The following GLI2 variants were observed in gnomAD, a reference collection of about 807,000 sequenced individuals.
GLI2 encodes GLI family zinc finger 2.
A neutral mutation model predicts 78.9 loss-of-function variants in GLI2; 22 were observed. The observed-to-expected ratio is 0.28, with a 90% CI of 0.20 to 0.40. The LOEUF is 0.40. Among genes scored for constraint, GLI2 ranks in the 10% least tolerant of loss-of-function variants. The pLI, the probability that GLI2 is intolerant of heterozygous loss-of-function variation, is 1.00. For synonymous variants in GLI2, 974 were observed against 963.7 expected (o/e 1.01, Z -0.20); for missense variants, 2,097 against 2,213.2 (o/e 0.95, Z 1.05).
chr2:120,907,422 T>A (rs1678587081), intron 2 of GLI2, among the ~76,000 whole-genome samples: 1 of 152,172 alleles, frequency 6.6e-6, no homozygotes, highest in African/African-American at 2.4e-5. Flanking sequence ...ACTGGGAGCC[T>A]GGAGACTCTG....
intron 2 of GLI2, among the ~76,000 whole-genome samples, chr2:120,844,260 A>ATG (rs1256709197): frequency 6.6e-6 from 1 of 152,224 alleles, no homozygotes; most frequent in African/African-American, 2.4e-5. Context: ...CATAGATGGT[A>ATG]TGTGCATGAT....
At chr2:120,786,901 C>A (rs1684012896) in intron 1 of GLI2, among the ~76,000 whole-genome samples, 1 of 152,160 alleles carries the variant, frequency 6.6e-6, no homozygotes, top group Non-Finnish European at 1.5e-5. Context: ...GGCATTGAAG[C>A]CTGAGGGGAT....
intron 1 of GLI2, among the ~76,000 whole-genome samples, chr2:120,780,995 G>A (rs926008701): frequency 9.2e-5 from 14 of 152,176 alleles, no homozygotes; most frequent in Admixed American, 1.3e-4. Context: ...CTGAGCATCC[G>A]AGCCCTGAGG....
At position 120,916,759 on chromosome 2, in the gene GLI2, G is replaced by A. The variant is rs575119805; in HGVS notation, c.149-10602G>A. 2.6e-5 allele frequency among the ~76,000 whole-genome samples: 4 copies of A among 152,346 alleles called. No individual in the cohort carries two copies. The South Asian group carries it at 8.3e-4, about 32-fold the overall frequency. ...GATGGAGAACTCTGCCCTGGGTGGT[G>A]AGCAGCTCCGCCGTGGATTCCAGAG... is the stretch of plus-strand genomic sequence containing the variant. On this transcript the variant is annotated intron_variant, in intron 2 of 13. Transcript: ENST00000361492.
At chr2:120,980,184 G>A (rs896941029) in intron 10 of GLI2, among the ~76,000 whole-genome samples, 2 of 152,156 alleles carry the variant, frequency 1.3e-5, no homozygotes, top group South Asian at 2.1e-4. Flanking sequence ...TTGGTGAGTC[G>A]TATGGCAGTT....
intron 2 of GLI2, among the ~76,000 whole-genome samples, chr2:120,838,269 CA>C (rs1686708958): frequency 1.3e-5 from 2 of 152,050 alleles, no homozygotes; most frequent in African/African-American, 4.8e-5. Flanking sequence ...TATACACACA[CA>C]TATATATATG....
At chr2:120,906,718 C>T (rs1288821582) in intron 2 of GLI2, among the ~76,000 whole-genome samples, 1 of 152,094 alleles carries the variant, frequency 6.6e-6, no homozygotes, top group African/African-American at 2.4e-5. Context: ...ACTTTCTCGC[C>T]CTCAAAACAG....
At chr2:120,745,517 C>G (rs1387464279) in intron 1 of GLI2, among the ~76,000 whole-genome samples, 1 of 152,156 alleles carries the variant, frequency 6.6e-6, no homozygotes, top group Non-Finnish European at 1.5e-5. Flanking sequence ...TGAGGGTGAG[C>G]AGAGCCCTCA....
chr2:120,768,192 C>T (rs76176655), intron 1 of GLI2, among the ~76,000 whole-genome samples: 1,786 of 152,356 alleles, frequency 0.012, 27 homozygotes, highest in African/African-American at 0.04. Flanking sequence ...CTTTACCCGG[C>T]GTCGGCTGCC....
intron 2 of GLI2, among the ~76,000 whole-genome samples, chr2:120,844,405 G>T (rs573198705): frequency 1.3e-5 from 2 of 152,254 alleles, no homozygotes; most frequent in South Asian, 2.1e-4. Flanking sequence ...GCCCTACTTG[G>T]GTACAAGCTC....
At chr2:120,904,527 G>C (rs1320702625) in intron 2 of GLI2, among the ~76,000 whole-genome samples, 2 of 152,184 alleles carry the variant, frequency 1.3e-5, no homozygotes, top group Non-Finnish European at 2.9e-5. Context: ...GACAGGGTCT[G>C]TGTGAACATG....
chr2:120,937,976 C>G (rs887900675), intron 3 of GLI2, among the ~76,000 whole-genome samples: 1 of 152,200 alleles, frequency 6.6e-6, no homozygotes, highest in Admixed American at 6.5e-5. Context: ...GGCCGCTCCC[C>G]ACAAACCCCA....
chr2:120,818,537 G>T (rs1685613242), intron 2 of GLI2, among the ~76,000 whole-genome samples: 1 of 152,184 alleles, frequency 6.6e-6, no homozygotes, highest in Non-Finnish European at 1.5e-5. Flanking sequence ...CCGAGTAGGT[G>T]CTGGGCACTA....
At position 120,800,503 on chromosome 2, in the gene GLI2, A is replaced by AT. The variant is rs1684651882; in HGVS notation, c.148+3040dup. 6.9e-6 allele frequency among the ~76,000 whole-genome samples: 1 copy of AT among 145,918 alleles called. No homozygotes were observed. The highest frequency in any genetic ancestry group is 2.5e-5 in the African/African-American group (1 of 39,986). On this transcript the variant is annotated intron_variant, in intron 2 of 13. Transcript: ENST00000361492. The surrounding 1 kb of genome is among the most constrained non-coding windows in gnomAD (Gnocchi z 4.1). Reference sequence around the variant, plus strand: ...TATTATTATTATTATTTTATTTTTTATTTTTATTTATTTATTTTTTTGAGA... The same window carrying AT: ...TATTATTATTATTATTTTATTTTTTATTTTTTATTTATTTATTTTTTTGAGA...
chr2:120,871,386 CG>C lies in GLI2; in HGVS notation c.149-55973del, dbSNP rs1688420543. Among the ~76,000 whole-genome samples the C allele has an allele frequency of 2.0e-5, 3 of 152,230 alleles. 1 individual carries two copies. Among genetic ancestry groups the C allele is most frequent in the African/African-American group, 7.2e-5 (3 of 41,462 alleles). ...ACGGGAGCTGGCTGATGTTGAGAAA[CG>C]GAGATGAGACTTCAGGGCTGGAAAA... is the stretch of plus-strand genomic sequence containing the variant. On this transcript the variant is annotated intron_variant, in intron 2 of 13. Transcript: ENST00000361492.
chr2:120,767,137 C>T (rs1307438287), intron 1 of GLI2, among the ~76,000 whole-genome samples: 1 of 152,246 alleles, frequency 6.6e-6, no homozygotes, highest in African/African-American at 2.4e-5. Flanking sequence ...CTTGTTCTTT[C>T]CTCCAGAGGG....
intron 2 of GLI2, among the ~76,000 whole-genome samples, chr2:120,908,611 A>G (rs1474832678): frequency 6.6e-6 from 1 of 152,064 alleles, no homozygotes; most frequent in Non-Finnish European, 1.5e-5. Context: ...AGGAGGGAAG[A>G]CACCCCCTGC....
At chr2:120,769,709 G>A (rs1375604043) in intron 1 of GLI2, among the ~76,000 whole-genome samples, 2 of 152,226 alleles carry the variant, frequency 1.3e-5, no homozygotes, top group Non-Finnish European at 2.9e-5. Context: ...GAATGTAGGG[G>A]TGTGTCTGTG....
Position 120,986,532 on chromosome 2 carries a change from C to G in GLI2, c.2160C>G (p.Leu720=), listed in dbSNP as rs147377016. 13 of 1,614,158 alleles carry G rather than the reference C, an allele frequency of 8.1e-6. No individual in the cohort carries two copies. The highest frequency in any genetic ancestry group is 1.1e-5 in the Non-Finnish European group (13 of 1,180,038). The change falls in exon 13 of 14, where the codon CTC becomes CTG. Residue 720 remains leucine, a synonymous_variant. Coordinates refer to ENST00000361492, the MANE Select transcript of GLI2 (RefSeq NM_001374353.1). ...HRFEQLKKEK[L]KSLKDSCSWA... ...TCGAGCAGCTCAAGAAGGAGAAGCT[C>G]AAGTCACTCAAGGATTCCTGCTCAT... is the stretch of plus-strand genomic sequence containing the variant.
Sources: allele counts gnomAD v4.1 joint callset (sites outside exome capture counted in the v4.1 genomes callset), GRCh38; gene constraint gnomAD v4.1.1; non-coding constraint Gnocchi (gnomAD v3.1); transcripts MANE v1.5; gene names NCBI Gene and HGNC (gene_info 2026-07-23, HGNC 2026-07-21).